The following MOB3B variants were observed in gnomAD, a reference collection of about 807,000 sequenced individuals.
MOB3B encodes MOB kinase activator 3B.
MOB3B carries 7 observed loss-of-function variants against 18.7 expected under a neutral mutation model. The observed-to-expected ratio is 0.37, with a 90% confidence interval of 0.21 to 0.70. MOB3B has a LOEUF of 0.70. Ranked by LOEUF, MOB3B falls within the 30% of genes least tolerant of loss-of-function variation. The pLI is 0.52. For missense variants in MOB3B, 253 were observed against 281.3 expected, an observed-to-expected ratio of 0.90 and a Z score of 0.72; for synonymous variants, 111 against 99.9, an observed-to-expected ratio of 1.11 and a Z score of -0.66.
At chr9:27,509,653 G>A (rs558153282) in intron 1 of MOB3B, among the ~76,000 whole-genome samples, 1 of 152,008 alleles carries the variant, frequency 6.6e-6, no homozygotes, top group South Asian at 2.1e-4. Context: ...CTGACCTCAA[G>A]TGCTCCACCT....
At chr9:27,334,723 G>C (rs1477851069) in intron 3 of MOB3B, among the ~76,000 whole-genome samples, 3 of 152,218 alleles carry the variant, frequency 2.0e-5, no homozygotes, top group Non-Finnish European at 2.9e-5. Context: ...CTTATTCCAA[G>C]TCACACAAAT....
chr9:27,453,461 C>T (rs1034439841), intron 2 of MOB3B, among the ~76,000 whole-genome samples: 6 of 152,144 alleles, frequency 3.9e-5, no homozygotes, highest in East Asian at 1.9e-4. Flanking sequence ...AAAGCAAAGT[C>T]GGTTACCCTG....
At chr9:27,456,340 T>C (rs1186262209) in intron 1 of MOB3B, among the ~76,000 whole-genome samples, 1 of 152,056 alleles carries the variant, frequency 6.6e-6, no homozygotes, top group Admixed American at 6.6e-5. Flanking sequence ...AAAGCTGGTC[T>C]GCAGAGCCAC....
intron 2 of MOB3B, among the ~76,000 whole-genome samples, chr9:27,414,286 A>G (rs1387400993): frequency 1.3e-5 from 2 of 152,252 alleles, no homozygotes; most frequent in Non-Finnish European, 2.9e-5. Flanking sequence ...GGGAAGCTGC[A>G]CATTCATCTT....
intron 2 of MOB3B, among the ~76,000 whole-genome samples, chr9:27,362,114 A>T (rs1178981842): frequency 1.3e-5 from 2 of 152,066 alleles, no homozygotes; most frequent in African/African-American, 4.8e-5. Context: ...CAGCTCAGAA[A>T]TCTCAGCTGT....
intron 1 of MOB3B, among the ~76,000 whole-genome samples, chr9:27,505,824 T>C (rs1820050193): frequency 6.6e-6 from 1 of 152,196 alleles, no homozygotes; most frequent in Non-Finnish European, 1.5e-5. Flanking sequence ...TCTTCAGGTG[T>C]CTCAGCTCTG....
chr9:27,483,101 G>A (rs1206445235), intron 1 of MOB3B, among the ~76,000 whole-genome samples: 1 of 143,558 alleles, frequency 7.0e-6, no homozygotes, highest in Non-Finnish European at 1.5e-5. Context: ...AAATGTTTAA[G>A]TAAATGTCTA....
rs1288881800 is a variant in MOB3B at position 27,529,576 on chromosome 9, C to T, written c.-220G>A. ...TCACCGTGGGGTTTTACCTCCAGCC[C>T]AGGGCCCGGTCGGCTCCCTTCGCCG... On this transcript the variant is annotated 5_prime_UTR_variant, in exon 1 of 4. Coordinates refer to ENST00000262244, the MANE Select transcript of MOB3B (RefSeq NM_024761.5). 10 of 985,470 alleles carry T rather than the reference C, an allele frequency of 1.0e-5. No homozygotes were observed. The highest frequency in any genetic ancestry group is 1.2e-5 in the Non-Finnish European group (10 of 830,058). The allele number at this position is 985,470 out of a possible 1,614,324, so 61.0% of individuals were successfully genotyped here. A position where few individuals can be genotyped will look rare whatever the true frequency, so the allele number is the denominator to read the frequency against.
At chr9:27,359,386 G>GC in intron 2 of MOB3B, 150 bp from the exon 3 acceptor site, 2 of 629,500 alleles carry the variant, frequency 3.2e-6, no homozygotes, top group South Asian at 3.9e-5. Context: ...TGTGGGGGGG[G>GC]GGGGTTGGTA....
intron 1 of MOB3B, among the ~76,000 whole-genome samples, chr9:27,517,421 G>T (rs2131504721): frequency 6.6e-6 from 1 of 152,154 alleles, no homozygotes; most frequent in East Asian, 1.9e-4. Flanking sequence ...GGAGGCCGAG[G>T]TAGATTACCT....
At chr9:27,520,181 T>C (rs574628833) in intron 1 of MOB3B, among the ~76,000 whole-genome samples, 1 of 152,374 alleles carries the variant, frequency 6.6e-6, no homozygotes, top group Non-Finnish European at 1.5e-5. Flanking sequence ...ATCACAGCTA[T>C]ATCGTCTAGA....
In MOB3B at chr9:27,529,753, C is replaced by T. The variant is rs536917839; in HGVS notation, c.-397G>A. 5.0e-5 allele frequency: 49 copies of T among 985,460 alleles called. No individual in the cohort carries two copies. In the East Asian group the frequency reaches 4.2e-3, roughly 85 times the overall value. The allele number at this position is 985,460 out of a possible 1,614,324, so 61.0% of individuals were successfully genotyped here. Reference sequence around the variant, plus strand: ...AGCGCCTGGCTCCAGCTGCAGCCGCCGTCGCTCCGGAGCAGCCCCCTCATG... The same window carrying T: ...AGCGCCTGGCTCCAGCTGCAGCCGCTGTCGCTCCGGAGCAGCCCCCTCATG... On this transcript the variant is annotated 5_prime_UTR_variant, in exon 1 of 4. Coordinates refer to ENST00000262244, the MANE Select transcript of MOB3B (RefSeq NM_024761.5).
At chr9:27,384,820 T>A (rs1821627904) in intron 2 of MOB3B, among the ~76,000 whole-genome samples, 1 of 152,168 alleles carries the variant, frequency 6.6e-6, no homozygotes, top group African/African-American at 2.4e-5. Context: ...CTGAGACGGG[T>A]CCTTCTGGCC....
intron 1 of MOB3B, chr9:27,525,028 C>G: frequency 7.7e-7 from 1 of 1,295,148 alleles, no homozygotes. Flanking sequence ...CCTCCAACTT[C>G]TTTTTAAGGA....
intron 2 of MOB3B, among the ~76,000 whole-genome samples, chr9:27,367,034 G>A (rs76464020): frequency 1.3e-5 from 2 of 152,204 alleles, no homozygotes; most frequent in Non-Finnish European, 2.9e-5. Flanking sequence ...TGGCCACTCT[G>A]TGAGAGCAGG....
chr9:27,386,509 AT>A (rs1356129506), intron 2 of MOB3B, among the ~76,000 whole-genome samples: 2 of 152,196 alleles, frequency 1.3e-5, no homozygotes, highest in East Asian at 1.9e-4. Context: ...AGCACGAATA[AT>A]TTTTTTCTTC....
chr9:27,389,844 C>T (rs1343155390), intron 2 of MOB3B, among the ~76,000 whole-genome samples: 1 of 152,046 alleles, frequency 6.6e-6, no homozygotes, highest in African/African-American at 2.4e-5. Context: ...CCAGCCTGGA[C>T]CGAGACCGAG....
At chr9:27,389,713 T>C (rs1266093375) in intron 2 of MOB3B, among the ~76,000 whole-genome samples, 3 of 152,184 alleles carry the variant, frequency 2.0e-5, no homozygotes, top group Admixed American at 1.3e-4. Flanking sequence ...GTATATGCTA[T>C]GGAAACCACA....
intron 2 of MOB3B, among the ~76,000 whole-genome samples, chr9:27,389,438 T>G (rs972489042): frequency 2.0e-5 from 3 of 152,156 alleles, no homozygotes; most frequent in South Asian, 4.1e-4. Flanking sequence ...CGAGAGCTTC[T>G]CTACTTCAGG....
Sources: gnomAD v4.1 joint callset for allele counts (sites outside exome capture counted in the v4.1 genomes callset) on GRCh38, gnomAD v4.1.1 for gene constraint, MANE v1.5 for transcripts, NCBI Gene and HGNC (gene_info 2026-07-23, HGNC 2026-07-21) for gene names.